PHF14: variants seen among roughly 807,000 people sequenced by gnomAD.
PHF14 encodes the protein PHD finger protein 14.
A neutral mutation model predicts 117.9 loss-of-function variants in PHF14; 55 were observed. That is an observed-to-expected ratio of 0.47 (90% CI 0.38 to 0.58). The LOEUF is 0.58. Ranked by LOEUF, PHF14 falls within the 20% of genes least tolerant of loss-of-function variation. PHF14 has a pLI of 0.00. For synonymous variants in PHF14, 409 were observed against 368.6 expected (o/e 1.11, Z -1.26); for missense variants, 978 against 1,122.2 (o/e 0.87, Z 1.84).
intron 4 of PHF14, among the ~76,000 whole-genome samples, chr7:11,008,879 C>T (rs1783232647): frequency 6.6e-6 from 1 of 151,266 alleles, no homozygotes; most frequent in Non-Finnish European, 1.5e-5. Context: ...ACTAAAAATA[C>T]AAAAAAATTA....
At chr7:11,065,224 C>T (rs1332378407) in intron 16 of PHF14, among the ~76,000 whole-genome samples, 2 of 151,934 alleles carry the variant, frequency 1.3e-5, no homozygotes, top group East Asian at 3.9e-4. Context: ...GAGAAGTTCT[C>T]AACTAAATAT....
At chr7:11,091,439 G>A (rs982518807) in intron 16 of PHF14, among the ~76,000 whole-genome samples, 8 of 152,046 alleles carry the variant, frequency 5.3e-5, no homozygotes, top group Admixed American at 1.3e-4. Context: ...TTTTCAGAAA[G>A]CATTTAAAAT....
intron 14 of PHF14, chr7:11,061,480 A>G (rs558211300): frequency 1.1e-5 from 2 of 184,862 alleles, no homozygotes; most frequent in South Asian, 1.7e-4. Context: ...AATCATAATT[A>G]TGGACAATTA....
In PHF14 at chr7:10,995,333, G is replaced by T. The variant is rs187907769; in HGVS notation, c.1045+4486G>T. Among the ~76,000 whole-genome samples, 808 of 151,496 alleles carry T rather than the reference G, an allele frequency of 5.3e-3. 7 individuals carry two copies. Among genetic ancestry groups the T allele is most frequent in the Non-Finnish European group, 8.3e-3 (561 of 67,978 alleles). On this transcript the variant is annotated intron_variant, in intron 4 of 17. Coordinates refer to ENST00000634607, the MANE Select transcript of PHF14 (RefSeq NM_001007157.2). ...TTAGCTAGATACAGAGTGCTGATTG[G>T]TGCATTTACAAGCCTTGCGCTAGAC...
chr7:11,111,111 C>T (rs76054340), intron 16 of PHF14: 5,656 of 385,258 alleles, frequency 0.015, 273 homozygotes, highest in East Asian at 0.14. Flanking sequence ...TGTCAGTGTT[C>T]TAAATATTTG....
intron 16 of PHF14, chr7:11,102,981 AT>A: frequency 1.0e-6 from 1 of 998,534 alleles, no homozygotes; most frequent in Non-Finnish European, 1.2e-6. Context: ...AACAATACAA[AT>A]AACAAACAAG....
rs564998009 is a variant in PHF14, at chr7:11,162,072, C to CTT, written c.2773-7311_2773-7310dup. On this transcript the variant is annotated intron_variant, in intron 17 of 17. Transcript: ENST00000634607. ...TCAGCAGGATATCTTAAAAATATGT[C>CTT]TTTTTTTTTTTTTTTTTTTTTTTTT... Among the ~76,000 whole-genome samples the CTT allele has an allele frequency of 1.9e-3, 131 of 70,276 alleles. 13 individuals are homozygous for CTT. The highest frequency in any genetic ancestry group is 3.0e-3 in the Non-Finnish European group (101 of 33,632). The allele number at this position is 70,276 out of a possible 152,430, so 46.1% of individuals were successfully genotyped here.
At chr7:11,143,694 A>G (rs1356199138) in intron 17 of PHF14, among the ~76,000 whole-genome samples, 1 of 152,150 alleles carries the variant, frequency 6.6e-6, no homozygotes, top group Non-Finnish European at 1.5e-5. Flanking sequence ...TCTACTAAGC[A>G]TCTTGTAAGT....
intron 13 of PHF14, among the ~76,000 whole-genome samples, chr7:11,050,288 A>G (rs192196892): frequency 5.3e-5 from 8 of 152,330 alleles, no homozygotes; most frequent in Non-Finnish European, 1.0e-4. Context: ...AGATACTGAT[A>G]TAAACATATA....
rs115076747 is a variant in PHF14 at position 11,052,587 on chromosome 7, T to C, written c.2481+807T>C. Among the ~76,000 whole-genome samples, 901 of 152,336 alleles carry C rather than the reference T, an allele frequency of 5.9e-3. 9 individuals are homozygous for C. Among genetic ancestry groups the C allele is most frequent in the African/African-American group, 0.021 (860 of 41,590 alleles). ...TGTTTTCCAAACCAGTTCACACTCA[T>C]ACCAGCAATGGATAATGTTTCTGTT... On this transcript the variant is annotated intron_variant, in intron 14 of 17. Coordinates refer to ENST00000634607, the MANE Select transcript of PHF14 (RefSeq NM_001007157.2).
chr7:11,084,038 GGATATGAGAA>G (rs1234451986), intron 16 of PHF14, among the ~76,000 whole-genome samples: 21 of 152,162 alleles, frequency 1.4e-4, no homozygotes, highest in African/African-American at 4.8e-4. Context: ...CATTACATAA[GGATATGAGAA>G]GATACGTTAA....
At chr7:11,012,730 A>C (rs182782669) in intron 4 of PHF14, among the ~76,000 whole-genome samples, 90 of 152,338 alleles carry the variant, frequency 5.9e-4, no homozygotes, top group African/African-American at 2.0e-3. Flanking sequence ...TCCTCTCAGA[A>C]TGTTGAGTTT....
chr7:11,031,766 T>A lies in PHF14; in HGVS notation c.1455+2948T>A, dbSNP rs1368086742. Among the ~76,000 whole-genome samples, 4 of 152,004 alleles carry A rather than the reference T, an allele frequency of 2.6e-5. No individual in the cohort carries two copies. In the East Asian group the frequency reaches 7.7e-4, roughly 29 times the overall value. The stretch of plus-strand genomic sequence containing the variant: ...AGACCCTACCTCTAAAAATTTTAAA[T>A]AAATAAGTAAAAAAATACCGAGCTA... On this transcript the variant is annotated intron_variant, in intron 7 of 17. Transcript: ENST00000634607.
intron 16 of PHF14, among the ~76,000 whole-genome samples, chr7:11,099,323 T>G (rs1168818358): frequency 2.0e-5 from 3 of 152,282 alleles, no homozygotes; most frequent in Middle Eastern, 3.4e-3. Context: ...AAATATTTTT[T>G]GTTTATGTTA....
At chr7:11,079,350 C>A (rs985226215) in intron 16 of PHF14, among the ~76,000 whole-genome samples, 1 of 152,104 alleles carries the variant, frequency 6.6e-6, no homozygotes, top group Admixed American at 6.5e-5. Flanking sequence ...CAGATAACTG[C>A]TAAAATCACC....
At chr7:10,999,269 G>C (rs142392098) in intron 4 of PHF14, among the ~76,000 whole-genome samples, 22 of 152,314 alleles carry the variant, frequency 1.4e-4, no homozygotes, top group African/African-American at 5.3e-4. Flanking sequence ...GTTCACTCCA[G>C]TCCTCTCTCA....
intron 4 of PHF14, among the ~76,000 whole-genome samples, chr7:10,996,420 G>A (rs1782646897): frequency 6.6e-6 from 1 of 152,164 alleles, no homozygotes; most frequent in Admixed American, 6.5e-5. Context: ...CTTTAGAGGA[G>A]ATGGGGAACA....
intron 4 of PHF14, among the ~76,000 whole-genome samples, chr7:10,995,928 C>A (rs1782630607): frequency 6.6e-6 from 1 of 152,190 alleles, no homozygotes; most frequent in African/African-American, 2.4e-5. Context: ...TCCCCGCAAG[C>A]TGAGGGAGCT....
intron 5 of PHF14, among the ~76,000 whole-genome samples, chr7:11,019,019 T>C (rs544867796): frequency 6.6e-6 from 1 of 152,344 alleles, no homozygotes; most frequent in African/African-American, 2.4e-5. Context: ...TCCTTCATCC[T>C]GTTGATGTGA....
Sources: gnomAD v4.1 joint callset for allele counts (sites outside exome capture counted in the v4.1 genomes callset) on GRCh38, gnomAD v4.1.1 for gene constraint, MANE v1.5 for transcripts, NCBI Gene and HGNC (gene_info 2026-07-23, HGNC 2026-07-21) for gene names.